Variants in MECOM observed in about 807,000 individuals in gnomAD.
MECOM encodes MDS1 and EVI1 complex locus.
In MECOM, 13 loss-of-function variants were observed where a neutral mutation model predicts 116.3. The observed-to-expected ratio is 0.11, with a 90% confidence interval of 0.07 to 0.18. The LOEUF (loss-of-function observed/expected upper bound fraction) is 0.18. MECOM is among the 10% of genes least tolerant of loss of function. The pLI is 1.00. For synonymous variants in MECOM, 528 were observed against 535.2 expected, an observed-to-expected ratio of 0.99 and a Z score of 0.19; for missense variants, 1,299 against 1,509.0, an observed-to-expected ratio of 0.86 and a Z score of 2.31.
intron 2 of MECOM, among the ~76,000 whole-genome samples, chr3:169,176,120 A>AC (rs1351199486): frequency 1.3e-5 from 2 of 148,940 alleles, no homozygotes; most frequent in African/African-American, 2.5e-5. Context: ...AAAAAAAAAC[A>AC]ACACACACAC....
intron 2 of MECOM, among the ~76,000 whole-genome samples, chr3:169,181,236 C>A (rs999106442): frequency 2.0e-5 from 3 of 152,102 alleles, no homozygotes; most frequent in African/African-American, 7.2e-5. Flanking sequence ...TTCTGTAGAT[C>A]TATCCAGACC....
chr3:169,347,631 T>C (rs1725590468), intron 2 of MECOM, among the ~76,000 whole-genome samples: 1 of 152,058 alleles, frequency 6.6e-6, no homozygotes, highest in South Asian at 2.1e-4. Context: ...CAAGAGAAGT[T>C]ATCTACCCTT....
chr3:169,570,094 C>T (rs1011723020), intron 1 of MECOM, among the ~76,000 whole-genome samples: 9 of 151,896 alleles, frequency 5.9e-5, no homozygotes, highest in African/African-American at 1.9e-4. Context: ...GCTAGCCAGA[C>T]TAATAAAGCA....
At chr3:169,297,638 A>T (rs537295046) in intron 2 of MECOM, among the ~76,000 whole-genome samples, 235 of 150,710 alleles carry the variant, frequency 1.6e-3, no homozygotes, top group African/African-American at 4.0e-3. Flanking sequence ...TTATTAAAAA[A>T]ATATTATTTT....
chr3:169,474,447 C>T (rs1246697842), intron 1 of MECOM, among the ~76,000 whole-genome samples: 1 of 152,162 alleles, frequency 6.6e-6, no homozygotes, highest in African/African-American at 2.4e-5. Flanking sequence ...GGAATGTCAA[C>T]AGAATGGTAA....
chr3:169,350,129 T>C (rs1446566873), intron 2 of MECOM, among the ~76,000 whole-genome samples: 1 of 152,154 alleles, frequency 6.6e-6, no homozygotes, highest in East Asian at 1.9e-4. Flanking sequence ...CAATTCCCTA[T>C]TTTGTTTATT....
chr3:169,582,741 T>G (rs1208786710), intron 1 of MECOM, among the ~76,000 whole-genome samples: 2 of 152,220 alleles, frequency 1.3e-5, no homozygotes, highest in Non-Finnish European at 2.9e-5. Context: ...CTTCTGAAAT[T>G]ACATTTGACC....
intron 1 of MECOM, among the ~76,000 whole-genome samples, chr3:169,436,372 T>C (rs953671952): frequency 2.7e-5 from 4 of 147,600 alleles, no homozygotes; most frequent in African/African-American, 1.0e-4. Context: ...TGCCTCAGCC[T>C]CCCAACTAGT....
intron 1 of MECOM, among the ~76,000 whole-genome samples, chr3:169,488,430 C>A (rs1752672569): frequency 1.3e-5 from 2 of 148,808 alleles, no homozygotes; most frequent in South Asian, 4.4e-4. Flanking sequence ...CCTGTAATCC[C>A]AGTTACTCAG....
At chr3:169,270,412 T>C (rs547880124) in intron 2 of MECOM, among the ~76,000 whole-genome samples, 12 of 152,168 alleles carry the variant, frequency 7.9e-5, no homozygotes, top group South Asian at 2.1e-4. Flanking sequence ...TATATACTTA[T>C]ATGCAATTTA....
intron 1 of MECOM, among the ~76,000 whole-genome samples, chr3:169,499,011 G>T (rs570908062): frequency 1.1e-4 from 16 of 151,798 alleles, no homozygotes; most frequent in Non-Finnish European, 1.8e-4. Context: ...TTAATTTTAC[G>T]AAGAAACAAT....
Position 169,257,965 on chromosome 3 carries a change from A to G in MECOM, c.376-114133T>C, listed in dbSNP as rs1757055933. Among the ~76,000 whole-genome samples the G allele has an allele frequency of 2.0e-5, 3 of 152,358 alleles. No individual in the cohort carries two copies. The South Asian group carries it at 6.2e-4, about 32-fold the overall frequency. ...GCCGGGCATGGCGGCGCATGCCCGC[A>G]ATATCAGCACTTTGGGAGGCCAAGG... On this transcript the variant is annotated intron_variant, in intron 2 of 16. Coordinates refer to ENST00000651503, the MANE Select transcript of MECOM (RefSeq NM_004991.4).
At chr3:169,180,781 TG>T (rs1745843158) in intron 2 of MECOM, among the ~76,000 whole-genome samples, 1 of 91,112 alleles carries the variant, frequency 1.1e-5, no homozygotes, top group African/African-American at 4.1e-5. Context: ...TGTATGTGTG[TG>T]TGTGTGGAGA....
At chr3:169,303,122 C>A (rs1006263417) in intron 2 of MECOM, among the ~76,000 whole-genome samples, 33 of 152,278 alleles carry the variant, frequency 2.2e-4, no homozygotes, top group African/African-American at 7.0e-4. Context: ...TGTCACCGAT[C>A]AAGAGAATTC....
intron 4 of MECOM, among the ~76,000 whole-genome samples, chr3:169,128,828 C>A (rs1334033496): frequency 2.0e-5 from 3 of 152,094 alleles, no homozygotes; most frequent in Non-Finnish European, 4.4e-5. Flanking sequence ...ATAGAGATAA[C>A]AAGGTTATAA....
At chr3:169,617,993 T>C (rs1483072540) in intron 1 of MECOM, among the ~76,000 whole-genome samples, 1 of 152,190 alleles carries the variant, frequency 6.6e-6, no homozygotes, top group Non-Finnish European at 1.5e-5. Context: ...ACTGAGCTCT[T>C]TCCAAGCTTT....
chr3:169,524,039 A>T (rs868027873), intron 1 of MECOM, among the ~76,000 whole-genome samples: 71 of 138,242 alleles, frequency 5.1e-4, no homozygotes, highest in African/African-American at 1.8e-3. Flanking sequence ...TATATGAATA[A>T]ATATATATAT....
chr3:169,115,282 A>G, intron 8 of MECOM, 101 bp downstream of exon 8: 1 of 1,230,948 alleles, frequency 8.1e-7, no homozygotes, highest in East Asian at 2.5e-5. Flanking sequence ...TCTGTTTTAT[A>G]ATAATAGTAA....
chr3:169,372,911 A>G (rs1278389158), intron 2 of MECOM, among the ~76,000 whole-genome samples: 1 of 151,956 alleles, frequency 6.6e-6, no homozygotes, highest in Admixed American at 6.6e-5. Flanking sequence ...AGGAAGTCTC[A>G]CTCCAGAAGA....
Sources: allele counts gnomAD v4.1 joint callset (sites outside exome capture counted in the v4.1 genomes callset), GRCh38; gene constraint gnomAD v4.1.1; transcripts MANE v1.5; gene names NCBI Gene and HGNC (gene_info 2026-07-23, HGNC 2026-07-21).